SH3GL2: variants seen among roughly 807,000 people sequenced by gnomAD.
The protein encoded by SH3GL2 is SH3 domain containing GRB2 like 2, endophilin A1, also known as endophilin-A1.
Under a neutral mutation model 46.0 loss-of-function variants are expected in SH3GL2, and 24 were observed. The observed-to-expected ratio is 0.52, with a 90% confidence interval of 0.38 to 0.73. SH3GL2 has a LOEUF of 0.73. Ranked by LOEUF, SH3GL2 falls within the 30% of genes least tolerant of loss-of-function variation. SH3GL2 has a pLI of 0.00. For synonymous variants in SH3GL2, 196 were observed against 147.1 expected, an observed-to-expected ratio of 1.33 and a Z score of -2.40; for missense variants, 413 against 424.2, an observed-to-expected ratio of 0.97 and a Z score of 0.23.
intron 1 of SH3GL2, among the ~76,000 whole-genome samples, chr9:17,623,498 C>A (rs1425548069): frequency 1.3e-5 from 2 of 151,976 alleles, no homozygotes; most frequent in Non-Finnish European, 2.9e-5. Flanking sequence ...GAGAGAAATC[C>A]AGAAGAGATT....
At chr9:17,650,791 A>G (rs1325900314) in intron 1 of SH3GL2, among the ~76,000 whole-genome samples, 1 of 152,248 alleles carries the variant, frequency 6.6e-6, no homozygotes, top group African/African-American at 2.4e-5. Flanking sequence ...GAGATTGCTC[A>G]TGATAATTCT....
intron 1 of SH3GL2, among the ~76,000 whole-genome samples, chr9:17,629,179 C>A (rs1211892456): frequency 6.6e-6 from 1 of 152,094 alleles, no homozygotes; most frequent in Non-Finnish European, 1.5e-5. Flanking sequence ...AGTGTGTGAT[C>A]TGGATTAGTC....
intron 1 of SH3GL2, among the ~76,000 whole-genome samples, chr9:17,689,332 T>A (rs940643181): frequency 6.6e-6 from 1 of 152,092 alleles, no homozygotes; most frequent in Non-Finnish European, 1.5e-5. Flanking sequence ...GCACCCTGAA[T>A]GAGTTCCTGT....
chr9:17,707,456 CAG>C (rs1284012189), intron 1 of SH3GL2, among the ~76,000 whole-genome samples: 9 of 152,120 alleles, frequency 5.9e-5, no homozygotes, highest in South Asian at 4.1e-4. Context: ...ACAATGGAGA[CAG>C]AACATTGGTA....
intron 1 of SH3GL2, among the ~76,000 whole-genome samples, chr9:17,676,943 T>C (rs761804955): frequency 7.9e-5 from 12 of 152,178 alleles, no homozygotes; most frequent in South Asian, 4.1e-4. Flanking sequence ...GTGCCAAATA[T>C]GCCATAAATT....
At chr9:17,723,608 G>A (rs1302914565) in intron 1 of SH3GL2, among the ~76,000 whole-genome samples, 3 of 152,096 alleles carry the variant, frequency 2.0e-5, no homozygotes, top group Non-Finnish European at 4.4e-5. Context: ...GGAAAGGTCG[G>A]TTTCAGATAA....
chr9:17,693,643 A>G (rs1395587496), intron 1 of SH3GL2, among the ~76,000 whole-genome samples: 5 of 152,188 alleles, frequency 3.3e-5, no homozygotes, highest in African/African-American at 9.7e-5. Flanking sequence ...TACACATAAA[A>G]CTGGACAGCA....
chr9:17,786,071 A>G (rs1823947652), intron 3 of SH3GL2, among the ~76,000 whole-genome samples: 1 of 152,314 alleles, frequency 6.6e-6, no homozygotes, highest in African/African-American at 2.4e-5. Context: ...GAGTCACTGC[A>G]GGGGCCACCA....
At chr9:17,615,916 T>C (rs1818983256) in intron 1 of SH3GL2, among the ~76,000 whole-genome samples, 1 of 152,200 alleles carries the variant, frequency 6.6e-6, no homozygotes, top group Non-Finnish European at 1.5e-5. Context: ...TTTTACTTTT[T>C]CTACTGCATG....
chr9:17,657,360 A>G (rs916288546), intron 1 of SH3GL2, among the ~76,000 whole-genome samples: 2 of 152,072 alleles, frequency 1.3e-5, no homozygotes, highest in Non-Finnish European at 2.9e-5. Flanking sequence ...AGAGAGAGAG[A>G]TTTGTGGGCA....
At chr9:17,640,291 C>T (rs1020275290) in intron 1 of SH3GL2, among the ~76,000 whole-genome samples, 2 of 151,898 alleles carry the variant, frequency 1.3e-5, no homozygotes, top group Non-Finnish European at 2.9e-5. Flanking sequence ...TTTTTCTAAG[C>T]ATTTTATATT....
chr9:17,753,196 C>G (rs1822897477), intron 2 of SH3GL2, among the ~76,000 whole-genome samples: 1 of 152,056 alleles, frequency 6.6e-6, no homozygotes, highest in Non-Finnish European at 1.5e-5. Context: ...TATAATAGAA[C>G]AATTTATATT....
chr9:17,688,178 C>G (rs1476573664), intron 1 of SH3GL2, among the ~76,000 whole-genome samples: 2 of 152,038 alleles, frequency 1.3e-5, no homozygotes, highest in Non-Finnish European at 2.9e-5. Flanking sequence ...CGAGGTGTAC[C>G]AAGATTATCT....
rs115359249 is a variant in SH3GL2 at position 17,638,210 on chromosome 9, G to T, written c.45+58923G>T. ...ACTGATTTCATAGCACTGATGTTTT[G>T]CAAGATATCCTAGAGGGGCCCTTAA... On this transcript the variant is annotated intron_variant, in intron 1 of 8. Transcript: ENST00000380607. Among the ~76,000 whole-genome samples the T allele has an allele frequency of 9.8e-3, 1,486 of 151,750 alleles. 24 individuals are homozygous for T. Among genetic ancestry groups the T allele is most frequent in the African/African-American group, 0.034 (1,394 of 41,430 alleles).
chr9:17,788,769 T>G (rs1824034106), intron 5 of SH3GL2, among the ~76,000 whole-genome samples: 1 of 152,094 alleles, frequency 6.6e-6, no homozygotes, highest in South Asian at 2.1e-4. Flanking sequence ...AGGCTTAAAC[T>G]AAATCACTGG....
intron 1 of SH3GL2, among the ~76,000 whole-genome samples, chr9:17,703,515 C>T (rs1324710170): frequency 6.6e-6 from 1 of 151,852 alleles, no homozygotes; most frequent in Non-Finnish European, 1.5e-5. Flanking sequence ...AACATCAGTC[C>T]AGTATCCTTG....
intron 1 of SH3GL2, among the ~76,000 whole-genome samples, chr9:17,662,267 C>A (rs990578496): frequency 6.6e-6 from 1 of 152,122 alleles, no homozygotes; most frequent in African/African-American, 2.4e-5. Context: ...TGAGTTTTTA[C>A]CATTAATTTT....
At chr9:17,783,821 T>G (rs1323622844) in intron 3 of SH3GL2, among the ~76,000 whole-genome samples, 1 of 152,110 alleles carries the variant, frequency 6.6e-6, no homozygotes, top group Non-Finnish European at 1.5e-5. Context: ...TAGGTATGTT[T>G]AGAAGAGAAG....
intron 1 of SH3GL2, among the ~76,000 whole-genome samples, chr9:17,655,885 C>T (rs986046007): frequency 6.6e-6 from 1 of 152,172 alleles, no homozygotes; most frequent in African/African-American, 2.4e-5. Flanking sequence ...GAGGTGGGTC[C>T]AGGTCACTTT....
Sources: allele counts gnomAD v4.1 joint callset (sites outside exome capture counted in the v4.1 genomes callset), GRCh38; gene constraint gnomAD v4.1.1; transcripts MANE v1.5; gene names NCBI Gene and HGNC (gene_info 2026-07-23, HGNC 2026-07-21).